The following DMRTA1 variants were observed in gnomAD, a reference collection of about 807,000 sequenced individuals.
The protein encoded by DMRTA1 is doublesex- and mab-3-related transcription factor A1.
In DMRTA1, 34 loss-of-function variants were observed where a neutral mutation model predicts 35.2. That is an observed-to-expected ratio of 0.97 (90% CI 0.74 to 1.29). The LOEUF (loss-of-function observed/expected upper bound fraction) is 1.29, where lower values mean the gene tolerates loss of function less well. Ranked by LOEUF, DMRTA1 falls within the 50% of genes most tolerant of loss-of-function variation. DMRTA1 has a pLI of 0.00. For synonymous variants in DMRTA1, 344 were observed against 276.6 expected, an observed-to-expected ratio of 1.24 and a Z score of -2.42; for missense variants, 824 against 644.6, an observed-to-expected ratio of 1.28 and a Z score of -3.01.
At chr9:22,448,150 C>T (rs927657100) in intron 1 of DMRTA1, among the ~76,000 whole-genome samples, 3 of 152,108 alleles carry the variant, frequency 2.0e-5, no homozygotes, top group Admixed American at 1.3e-4. Context: ...ACTCTGTTGC[C>T]CAGGCTGGAG....
Position 22,447,671 on chromosome 9 carries a change from C to CA in DMRTA1, c.607dup (p.Ser203LysfsTer17). The CA allele has an allele frequency of 6.2e-7, 1 of 1,612,588 alleles. No homozygotes were observed. The highest frequency in any genetic ancestry group is 8.5e-7 in the Non-Finnish European group (1 of 1,179,932). ...TGGGACTGGGTGCCTTGAGACAGGCCAGTGGTTCCGCGACCCCCGCTTTCG... is the reference window on the plus strand; with the variant it reads ...TGGGACTGGGTGCCTTGAGACAGGCCAAGTGGTTCCGCGACCCCCGCTTTCG... On this transcript the variant is annotated frameshift_variant, in exon 1 of 2. Coordinates refer to ENST00000325870, the MANE Select transcript of DMRTA1 (RefSeq NM_022160.3). LOFTEE classifies it high-confidence loss of function.
Position 22,451,718 on chromosome 9 carries a change from A to G in DMRTA1, c.1322A>G (p.Tyr441Cys). 4 of 1,614,088 alleles carry G rather than the reference A, an allele frequency of 2.5e-6. No homozygotes were observed. The highest frequency in any genetic ancestry group is 3.4e-6 in the Non-Finnish European group (4 of 1,179,934). Reference sequence around the variant, plus strand: ...GGTATCAGTCCATTAAGGCTGGCATATTCTTCTGCAGGAAGAGGGTTATCT... The same window carrying G: ...GGTATCAGTCCATTAAGGCTGGCATGTTCTTCTGCAGGAAGAGGGTTATCT... Reference protein sequence around the residue: ...RVGISPLRLAYSSAGRGLSGF... With the variant: ...RVGISPLRLACSSAGRGLSGF... The change falls in exon 2 of 2, where the codon TAT becomes TGT. Residue 441 changes from tyrosine (Y) to cysteine (C), a missense_variant. Physicochemically the swap from Tyr to Cys is radical, Grantham distance 194 (BLOSUM62 -2). Transcript: ENST00000325870.
chr9:22,451,430 T>C lies in DMRTA1; in HGVS notation c.1034T>C (p.Leu345Pro), dbSNP rs1438094085. Residue 345 changes from leucine (L) to proline (P), a missense_variant, in exon 2 of 2, where the codon CTA (leucine) becomes CCA (proline). Leu to Pro is a moderately conservative substitution (Grantham distance 98). Coordinates refer to ENST00000325870, the MANE Select transcript of DMRTA1 (RefSeq NM_022160.3). Reference protein sequence around the residue: ...KIFPNYRRSRLEGILRFCKGD... With the variant: ...KIFPNYRRSRPEGILRFCKGD... ...TTCCCAAATTACAGGCGCAGCCGGC[T>C]AGAAGGCATTCTACGGTTCTGCAAA... 6.2e-7 allele frequency: 1 copy of C among 1,614,186 alleles called. No homozygotes were observed.
chr9:22,447,016 G>T lies in DMRTA1; in HGVS notation c.-50G>T. On this transcript the variant is annotated 5_prime_UTR_variant, in exon 1 of 2. Transcript: ENST00000325870. ...CCCCAGCCTCCCAGCAGGGTTAGCT[G>T]CGGTCAGCGCACTTTCCACTTGGGA... 6.4e-7 allele frequency: 1 copy of T among 1,572,932 alleles called. No individual in the cohort carries two copies. The highest frequency in any genetic ancestry group is 8.6e-7 in the Non-Finnish European group (1 of 1,160,316).
rs1202095273 is a variant in DMRTA1, at chr9:22,453,589, A to C, written c.*1678A>C. On this transcript the variant is annotated 3_prime_UTR_variant, in exon 2 of 2. Transcript: ENST00000325870. ...ATATTCTAAGCCTAAACCGTAGTAC[A>C]ATGTCTAGCAAGTAGTTGAAATTCA... 6.6e-6 allele frequency: 1 copy of C among 152,106 alleles called. No individual in the cohort carries two copies. Among genetic ancestry groups the C allele is most frequent in the Non-Finnish European group, 1.5e-5 (1 of 67,954 alleles). 9.4% of individuals were successfully genotyped at this position (152,106 alleles called of 1,614,324 possible).
At position 22,451,140 on chromosome 9, in the gene DMRTA1, A is replaced by G; in HGVS notation, c.744A>G (p.Leu248=). ...TCTCCAAATCCCATCAGCTTTACCT[A>G]GGATCATCTTCTAGGTCTAATGGTG... ...ELISKSHQLY[L]GSSSRSNGVI... Residue 248 remains leucine (L), a synonymous_variant, in exon 2 of 2, where the codon CTA becomes CTG. Transcript: ENST00000325870. The G allele has an allele frequency of 5.6e-6, 9 of 1,614,066 alleles. No individual in the cohort carries two copies. The highest frequency in any genetic ancestry group is 6.8e-6 in the Non-Finnish European group (8 of 1,179,962).
chr9:22,451,333 A>T lies in DMRTA1; in HGVS notation c.937A>T (p.Thr313Ser). Residue 313 changes from threonine (T) to serine (S), a missense_variant, in exon 2 of 2, where the codon ACT becomes TCT. Physicochemically the swap from Thr to Ser is moderately conservative, Grantham distance 58. Coordinates refer to ENST00000325870, the MANE Select transcript of DMRTA1 (RefSeq NM_022160.3). ...TGAAAGTGAATGGGTCAAAGACTTG[A>T]CTGCGACCAAGGCAAGCCTTCCGAC... ...GNESEWVKDL[T>S]ATKASLPTVS... The T allele has an allele frequency of 6.2e-7, 1 of 1,614,100 alleles. No homozygotes were observed. The highest frequency in any genetic ancestry group is 1.3e-5 in the African/African-American group (1 of 75,046).
chr9:22,446,871 C>T lies in DMRTA1; in HGVS notation c.-195C>T, dbSNP rs1818835965. ...CCAGGCTCACGGGACAGCTGCACCT[C>T]TCAGCGTCTCCAGCTCCAGGACGCG... On this transcript the variant is annotated 5_prime_UTR_variant, in exon 1 of 2. Coordinates refer to ENST00000325870, the MANE Select transcript of DMRTA1 (RefSeq NM_022160.3). 1.5e-6 allele frequency: 1 copy of T among 653,336 alleles called. No homozygotes were observed. The highest frequency in any genetic ancestry group is 3.3e-5 in the Admixed American group (1 of 30,148). The allele number at this position is 653,336 out of a possible 1,614,324, so 40.5% of individuals were successfully genotyped here.
In DMRTA1 at chr9:22,447,723, GAAA is replaced by G; in HGVS notation, c.661_663del (p.Lys221del). 6.2e-7 allele frequency: 1 copy of G among 1,613,412 alleles called. No individual in the cohort carries two copies. On this transcript the variant is annotated inframe_deletion, in exon 1 of 2. Transcript: ENST00000325870. ...AGTTTTCCAGCAAGATTATCCTGAG[GAAA>G]AACAAGGTGAGTTGGTCTTTGATTT...
In DMRTA1 at chr9:22,451,598, G is replaced by C. The variant is rs370009723; in HGVS notation, c.1202G>C (p.Gly401Ala). ...SSFSLAGIGF[G>A]TLGNKSAFSP... is the part of the protein sequence containing the mutation. ...TTTAGTCTTGCTGGAATTGGTTTTGGAACTCTAGGTAATAAATCAGCTTTC... is the reference window on the plus strand; with the variant it reads ...TTTAGTCTTGCTGGAATTGGTTTTGCAACTCTAGGTAATAAATCAGCTTTC... Residue 401 changes from glycine to alanine, a missense_variant, in exon 2 of 2, where the codon GGA (glycine) becomes GCA (alanine). Gly to Ala is a moderately conservative substitution (Grantham distance 60). Transcript: ENST00000325870. 3.8e-5 allele frequency: 61 copies of C among 1,613,954 alleles called. No homozygotes were observed. Among genetic ancestry groups the C allele is most frequent in the Non-Finnish European group, 4.9e-5 (58 of 1,179,954 alleles).
Position 22,447,041 on chromosome 9 carries a change from A to G in DMRTA1, c.-25A>G. 2 of 1,596,702 alleles carry G rather than the reference A, an allele frequency of 1.3e-6. No individual in the cohort carries two copies. Among genetic ancestry groups the G allele is most frequent in the South Asian group, 1.1e-5 (1 of 88,802 alleles). On this transcript the variant is annotated 5_prime_UTR_variant, in exon 1 of 2. Transcript: ENST00000325870. Reference sequence around the variant, plus strand: ...GCGGTCAGCGCACTTTCCACTTGGGACTCCCGGCCAGAAATTTCTCGGGAA... The same window carrying G: ...GCGGTCAGCGCACTTTCCACTTGGGGCTCCCGGCCAGAAATTTCTCGGGAA...
intron 1 of DMRTA1, among the ~76,000 whole-genome samples, chr9:22,448,708 A>G (rs1023045333): frequency 2.2e-4 from 33 of 152,186 alleles, no homozygotes; most frequent in Admixed American, 2.0e-3. Flanking sequence ...CCTTCCTTGA[A>G]TTATGAAAAT....
chr9:22,451,579 C>T lies in DMRTA1; in HGVS notation c.1183C>T (p.Leu395Phe). 6.2e-7 allele frequency: 1 copy of T among 1,614,132 alleles called. No individual in the cohort carries two copies. Among genetic ancestry groups the T allele is most frequent in the East Asian group, 2.2e-5 (1 of 44,886 alleles). The change falls in exon 2 of 2, where the codon CTT (leucine) becomes TTT (phenylalanine). Residue 395 changes from leucine to phenylalanine, a missense_variant. Physicochemically the swap from Leu to Phe is conservative, Grantham distance 22 (BLOSUM62 0). Transcript: ENST00000325870. The stretch of plus-strand genomic sequence containing the variant: ...CTTTCAGAGAGCTTCAAGTTTTAGT[C>T]TTGCTGGAATTGGTTTTGGAACTCT... ...TAFQRASSFSLAGIGFGTLGN... is the reference protein window; with the variant it reads ...TAFQRASSFSFAGIGFGTLGN...
At chr9:22,449,203 G>C (rs956193582) in intron 1 of DMRTA1, among the ~76,000 whole-genome samples, 1 of 152,068 alleles carries the variant, frequency 6.6e-6, no homozygotes, top group African/African-American at 2.4e-5. Context: ...CATGAACTGT[G>C]GTAAAATAGT....
In DMRTA1 at chr9:22,447,301, G is replaced by T. The variant is rs779559391; in HGVS notation, c.236G>T (p.Gly79Val). 1.3e-6 allele frequency: 2 copies of T among 1,517,338 alleles called. No homozygotes were observed. The highest frequency in any genetic ancestry group is 8.8e-7 in the Non-Finnish European group (1 of 1,137,636). 94.0% of individuals were successfully genotyped at this position (1,517,338 alleles called of 1,614,324 possible). A position where few individuals can be genotyped will look rare whatever the true frequency, so the allele number is the denominator to read the frequency against. ...SGSGGCPPAP[G>V]LESGVGAVGC... ...AGCGGAGGCTGCCCGCCGGCTCCCG[G>T]GCTGGAGAGCGGGGTAGGCGCGGTG... Residue 79 changes from glycine to valine, a missense_variant, in exon 1 of 2, where the codon GGG becomes GTG. Coordinates refer to ENST00000325870, the MANE Select transcript of DMRTA1 (RefSeq NM_022160.3).
intron 1 of DMRTA1, among the ~76,000 whole-genome samples, chr9:22,450,857 A>G (rs552448130): frequency 1.6e-4 from 25 of 152,340 alleles, no homozygotes; most frequent in Non-Finnish European, 1.6e-4. Context: ...GAGATGATAT[A>G]ATAGTATACT....
At position 22,447,631 on chromosome 9, in the gene DMRTA1, C is replaced by T; in HGVS notation, c.566C>T (p.Ala189Val). Reference protein sequence around the residue: ...AENPQSTGGPAAGAALGLGAL... With the variant: ...AENPQSTGGPVAGAALGLGAL... The stretch of plus-strand genomic sequence containing the variant: ...AATCCACAGTCCACGGGCGGCCCTG[C>T]GGCGGGGGCTGCGCTGGGACTGGGT... Residue 189 changes from alanine to valine, a missense_variant, in exon 1 of 2, where the codon GCG becomes GTG. Coordinates refer to ENST00000325870, the MANE Select transcript of DMRTA1 (RefSeq NM_022160.3). 2 of 1,600,746 alleles carry T rather than the reference C, an allele frequency of 1.2e-6. No individual in the cohort carries two copies. Among genetic ancestry groups the T allele is most frequent in the Non-Finnish European group, 1.7e-6 (2 of 1,172,556 alleles).
In DMRTA1 at chr9:22,454,089, A is replaced by G. The variant is rs898724186; in HGVS notation, c.*2178A>G. On this transcript the variant is annotated 3_prime_UTR_variant, in exon 2 of 2. Transcript: ENST00000325870. ...ATTTATATAATGCCTTACACATTCC[A>G]TACTCTTTATAATAATTTAAGGACT... 9 of 152,224 alleles carry G rather than the reference A, an allele frequency of 5.9e-5. No individual in the cohort carries two copies. The highest frequency in any genetic ancestry group is 4.6e-4 in the Admixed American group (7 of 15,282). The allele number at this position is 152,224 out of a possible 1,614,324, so 9.4% of individuals were successfully genotyped here.
Position 22,451,446 on chromosome 9 carries a change from G to A in DMRTA1, c.1050G>A (p.Arg350=), listed in dbSNP as rs761466154. The part of the protein sequence containing the change: ...YRRSRLEGIL[R]FCKGDVVQAI... Reference sequence around the variant, plus strand: ...GCAGCCGGCTAGAAGGCATTCTACGGTTCTGCAAAGGGGATGTGGTCCAAG... The same window carrying A: ...GCAGCCGGCTAGAAGGCATTCTACGATTCTGCAAAGGGGATGTGGTCCAAG... Residue 350 remains arginine, a synonymous_variant, in exon 2 of 2, where the codon CGG becomes CGA. Transcript: ENST00000325870. The A allele has an allele frequency of 3.7e-6, 6 of 1,614,150 alleles. No homozygotes were observed. The highest frequency in any genetic ancestry group is 5.1e-6 in the Non-Finnish European group (6 of 1,179,986).
Sources: allele counts gnomAD v4.1 joint callset (sites outside exome capture counted in the v4.1 genomes callset), GRCh38; gene constraint gnomAD v4.1.1; transcripts MANE v1.5; gene names NCBI Gene and HGNC (gene_info 2026-07-23, HGNC 2026-07-21).